The following ZFYVE1 variants were observed in gnomAD, a reference collection of about 807,000 sequenced individuals.
ZFYVE1 encodes zinc finger FYVE-type containing 1.
A neutral mutation model predicts 74.4 loss-of-function variants in ZFYVE1; 30 were observed. The ratio of observed to expected loss-of-function variants is 0.40; its 90% confidence interval spans 0.30 to 0.55. ZFYVE1 has a LOEUF of 0.55. Ranked by LOEUF, ZFYVE1 falls within the 20% of genes least tolerant of loss-of-function variation. The pLI is 0.42. For missense variants in ZFYVE1, 703 were observed against 1,011.6 expected (o/e 0.69, Z 4.14); for synonymous variants, 335 against 385.1 (o/e 0.87, Z 1.52).
intron 2 of ZFYVE1, among the ~76,000 whole-genome samples, chr14:73,001,820 T>C (rs544219853): frequency 2.2e-4 from 34 of 151,526 alleles, no homozygotes; most frequent in African/African-American, 7.5e-4. Context: ...TGGTGGCACA[T>C]GCCGGTAATC....
chr14:73,003,652 G>A (rs1893920428), intron 2 of ZFYVE1, among the ~76,000 whole-genome samples: 1 of 152,150 alleles, frequency 6.6e-6, no homozygotes, highest in Non-Finnish European at 1.5e-5. Context: ...GGAGGTTGCA[G>A]TGGGCCGAGA....
chr14:73,026,283 CTG>C, intron 1 of ZFYVE1, among the ~76,000 whole-genome samples: 1 of 152,216 alleles, frequency 6.6e-6, no homozygotes, highest in South Asian at 2.1e-4. Context: ...AAAAAGATAA[CTG>C]GGGCAAGAAA....
Position 73,016,657 on chromosome 14 carries a change from GGATC to G in ZFYVE1, c.483+7365_483+7368del, listed in dbSNP as rs61030038. ...AGCACTTTGGGAGGCCGAGGCTGGT[GGATC>G]ACCTGAGGTCAGGAGTTCAAGATCA... On this transcript the variant is annotated intron_variant, in intron 2 of 11. Coordinates refer to ENST00000556143, the MANE Select transcript of ZFYVE1 (RefSeq NM_021260.4). 5.9e-3 allele frequency among the ~76,000 whole-genome samples: 903 copies of G among 151,864 alleles called. 14 individuals are homozygous for G. Among genetic ancestry groups the G allele is most frequent in the African/African-American group, 0.021 (864 of 41,392 alleles).
chr14:72,981,329 T>C (rs961805589), intron 5 of ZFYVE1, among the ~76,000 whole-genome samples: 1 of 152,144 alleles, frequency 6.6e-6, no homozygotes, highest in Non-Finnish European at 1.5e-5. Flanking sequence ...CTCTAAACAT[T>C]TCCCCTAATA....
chr14:73,019,843 C>A (rs961759764), intron 2 of ZFYVE1, among the ~76,000 whole-genome samples: 1 of 151,810 alleles, frequency 6.6e-6, no homozygotes, highest in African/African-American at 2.4e-5. Context: ...CACAGCTACT[C>A]GGGAGGCTGA....
chr14:72,981,958 C>T, intron 4 of ZFYVE1, 63 bp from the exon 5 acceptor site: 1 of 1,396,298 alleles, frequency 7.2e-7, no homozygotes, highest in Non-Finnish European at 1.0e-6. Flanking sequence ...TTTGGCCCCC[C>T]ACTGCAGGCA....
intron 2 of ZFYVE1, among the ~76,000 whole-genome samples, chr14:73,002,003 A>G (rs1424604322): frequency 1.3e-5 from 2 of 152,204 alleles, no homozygotes; most frequent in Non-Finnish European, 2.9e-5. Context: ...ACCTAATAAC[A>G]TTTAGGTAGA....
chr14:72,988,828 A>T (rs1244107611), intron 4 of ZFYVE1, among the ~76,000 whole-genome samples: 2 of 150,414 alleles, frequency 1.3e-5, no homozygotes, highest in African/African-American at 4.9e-5. Context: ...AAAAAAGTGA[A>T]AATAAACCAA....
At position 72,998,319 on chromosome 14, in the gene ZFYVE1, C is replaced by CAAAAA. The variant is rs3061072; in HGVS notation, c.484-9_484-5dup. 18 of 1,221,940 alleles carry CAAAAA rather than the reference C, an allele frequency of 1.5e-5. No individual in the cohort carries two copies. The highest frequency in any genetic ancestry group is 5.4e-5 in the East Asian group (2 of 36,856). The allele number at this position is 1,221,940 out of a possible 1,614,324, so 75.7% of individuals were successfully genotyped here. On this transcript the variant is annotated splice_region_variant and splice_polypyrimidine_tract_variant and intron_variant, in intron 2 of 11. Transcript: ENST00000556143. ...TAAAGTCTTCTTCATTTGTTACCTGCAAAAAAAAAAAAAAAGACCATGAAA... is the reference window on the plus strand; with the variant it reads ...TAAAGTCTTCTTCATTTGTTACCTGCAAAAAAAAAAAAAAAAAAAAGACCATGAAA...
intron 2 of ZFYVE1, among the ~76,000 whole-genome samples, chr14:73,023,742 C>T (rs138735318): frequency 0.012 from 1,817 of 152,098 alleles, 39 homozygotes; most frequent in African/African-American, 0.042. Context: ...ATTTATTATG[C>T]GACAGGCTCT....
intron 2 of ZFYVE1, among the ~76,000 whole-genome samples, chr14:73,010,643 G>A (rs1003509533): frequency 6.6e-5 from 10 of 150,986 alleles, no homozygotes; most frequent in African/African-American, 2.2e-4. Flanking sequence ...GGTGGCACGC[G>A]CTTGTGATCC....
chr14:73,000,883 G>A (rs1893854811), intron 2 of ZFYVE1, among the ~76,000 whole-genome samples: 2 of 152,164 alleles, frequency 1.3e-5, no homozygotes, highest in Admixed American at 6.5e-5. Flanking sequence ...GAGTTACCAC[G>A]CAGCCATAAA....
chr14:72,984,184 G>T (rs1040730815), intron 4 of ZFYVE1, among the ~76,000 whole-genome samples: 7 of 152,140 alleles, frequency 4.6e-5, no homozygotes, highest in South Asian at 2.1e-4. Flanking sequence ...AAAAAAAATG[G>T]TCTGACAAAT....
chr14:72,999,289 T>C (rs1893819428), intron 2 of ZFYVE1, among the ~76,000 whole-genome samples: 1 of 152,112 alleles, frequency 6.6e-6, no homozygotes. Context: ...TAGCTGGGCA[T>C]GGTGGCACAT....
In ZFYVE1 at chr14:72,970,567, T is replaced by C. The variant is rs1260500480; in HGVS notation, c.*315A>G. 6.2e-6 allele frequency: 2 copies of C among 320,652 alleles called. No homozygotes were observed. Among genetic ancestry groups the C allele is most frequent in the African/African-American group, 2.1e-5 (1 of 47,738 alleles). The allele number at this position is 320,652 out of a possible 1,614,324, so 19.9% of individuals were successfully genotyped here. A position where few individuals can be genotyped will look rare whatever the true frequency, so the allele number is the denominator to read the frequency against. On this transcript the variant is annotated 3_prime_UTR_variant, in exon 12 of 12. Transcript: ENST00000556143. ...TCTTCACAGCCAGCAGCAGCCTCGA[T>C]ACGCCCCGAGTGCCTTTCATATGTA...
At chr14:73,005,531 C>T (rs1893959862) in intron 2 of ZFYVE1, among the ~76,000 whole-genome samples, 3 of 152,214 alleles carry the variant, frequency 2.0e-5, no homozygotes, top group Admixed American at 1.3e-4. Context: ...CTTGCTAGGC[C>T]TCAGGCGAGT....
chr14:72,996,388 T>A (rs1893749000), intron 3 of ZFYVE1, among the ~76,000 whole-genome samples: 1 of 152,146 alleles, frequency 6.6e-6, no homozygotes, highest in Non-Finnish European at 1.5e-5. Flanking sequence ...ACTTCCCTTG[T>A]CTCTTTTTTC....
rs1367794334 is a variant in ZFYVE1 at position 72,979,589 on chromosome 14, G to C, written c.1311-620C>G. Among the ~76,000 whole-genome samples the C allele has an allele frequency of 2.0e-5, 3 of 151,748 alleles. No homozygotes were observed. The East Asian group carries it at 5.8e-4, about 29-fold the overall frequency. The stretch of plus-strand genomic sequence containing the variant: ...GAATCACTTGAATCCAGGAGGCGGA[G>C]GTTGCAGTAAGCCAAGATCACACCG... On this transcript the variant is annotated intron_variant, in intron 5 of 11. Transcript: ENST00000556143.
chr14:73,015,150 G>A (rs1206117359), intron 2 of ZFYVE1, among the ~76,000 whole-genome samples: 3 of 149,794 alleles, frequency 2.0e-5, no homozygotes, highest in African/African-American at 4.9e-5. Flanking sequence ...AGAATTGCAC[G>A]AACCCGGGAA....
Sources: gnomAD v4.1 joint callset for allele counts (sites outside exome capture counted in the v4.1 genomes callset) on GRCh38, gnomAD v4.1.1 for gene constraint, MANE v1.5 for transcripts, NCBI Gene and HGNC (gene_info 2026-07-23, HGNC 2026-07-21) for gene names.